The following GLIS3 variants were observed in gnomAD, a reference collection of about 807,000 sequenced individuals.
GLIS3 encodes zinc finger protein GLIS3.
In GLIS3, 53 loss-of-function variants were observed where a neutral mutation model predicts 78.6. The ratio of observed to expected loss-of-function variants is 0.67; its 90% CI spans 0.54 to 0.85. The LOEUF (loss-of-function observed/expected upper bound fraction) is 0.85, where lower values mean the gene tolerates loss of function less well. GLIS3 is among the 40% of genes least tolerant of loss of function. The pLI, the probability that GLIS3 is intolerant of heterozygous loss-of-function variation, is 0.00. For synonymous variants in GLIS3, 684 were observed against 509.9 expected, an observed-to-expected ratio of 1.34 and a Z score of -4.60; for missense variants, 1,703 against 1,231.1, an observed-to-expected ratio of 1.38 and a Z score of -5.74.
intron 4 of GLIS3, among the ~76,000 whole-genome samples, chr9:4,024,518 T>C (rs181782918): frequency 2.0e-5 from 3 of 152,316 alleles, no homozygotes; most frequent in Admixed American, 6.5e-5. Context: ...AGGGCAGAAC[T>C]AAATGAAGCC....
chr9:4,210,820 C>T (rs1480507313), intron 2 of GLIS3, among the ~76,000 whole-genome samples: 1 of 152,204 alleles, frequency 6.6e-6, no homozygotes, highest in East Asian at 1.9e-4. Context: ...ATGGGCCTGC[C>T]CACTTCTGGG....
intron 1 of GLIS3, 24 bp from the exon 2 acceptor site, chr9:4,286,547 C>CATTTT (rs1227716707): frequency 8.3e-7 from 1 of 1,204,616 alleles, no homozygotes; most frequent in African/African-American, 1.5e-5. Context: ...TAAACGCAGG[C>CATTTT]ATTTTTAAAA....
the GLIS3 span, among the ~76,000 whole-genome samples, chr9:4,488,805 A>T: frequency 1.3e-5 from 2 of 152,122 alleles, no homozygotes; most frequent in Non-Finnish European, 2.9e-5. Flanking sequence ...GGTGTGAGCC[A>T]TCGCGCCCGG....
At chr9:4,066,898 C>T (rs1279531294) in intron 4 of GLIS3, among the ~76,000 whole-genome samples, 1 of 152,088 alleles carries the variant, frequency 6.6e-6, no homozygotes, top group East Asian at 1.9e-4. Context: ...GGCATCTTTC[C>T]GTGGATCAGC....
chr9:3,828,414 A>G lies in GLIS3; in HGVS notation c.2657-6T>C. On this transcript the variant is annotated splice_polypyrimidine_tract_variant and splice_region_variant and intron_variant, in intron 10 of 10. Transcript: ENST00000381971. The stretch of plus-strand genomic sequence containing the variant: ...ACTTGAAGGTAAATCATACACTGGA[A>G]GAGAAAGAACGCAGTTAAGTCAGTA... 1 of 1,612,852 alleles carries G rather than the reference A, an allele frequency of 6.2e-7. No homozygotes were observed. Among genetic ancestry groups the G allele is most frequent in the Non-Finnish European group, 8.5e-7 (1 of 1,179,994 alleles).
intron 2 of GLIS3, among the ~76,000 whole-genome samples, chr9:4,280,164 C>T (rs1009275370): frequency 2.0e-5 from 3 of 152,146 alleles, no homozygotes; most frequent in African/African-American, 7.2e-5. Context: ...CGTCAACAGG[C>T]ACATGCCAAC....
intron 4 of GLIS3, among the ~76,000 whole-genome samples, chr9:4,078,851 T>C (rs2185405): frequency 0.43 from 65,101 of 151,966 alleles, 14,217 homozygotes; most frequent in East Asian, 0.6. Context: ...AGAGAGGGCA[T>C]TGGATCATCA....
At chr9:4,245,660 A>G (rs1823741645) in intron 2 of GLIS3, among the ~76,000 whole-genome samples, 1 of 152,198 alleles carries the variant, frequency 6.6e-6, no homozygotes, top group African/African-American at 2.4e-5. Context: ...TGTTTTGAAA[A>G]CTGATATAAT....
intron 1 of GLIS3, among the ~76,000 whole-genome samples, chr9:4,290,122 C>A (rs1433641732): frequency 6.6e-6 from 1 of 152,102 alleles, no homozygotes; most frequent in Non-Finnish European, 1.5e-5. Context: ...CAGCTAAAGG[C>A]CCTTTCTTAG....
chr9:4,057,573 T>C (rs10491898), intron 4 of GLIS3, among the ~76,000 whole-genome samples: 8,202 of 151,896 alleles, frequency 0.054, 560 homozygotes, highest in East Asian at 0.23. Flanking sequence ...TATTTGTCCT[T>C]GAAAAAAAAG....
At chr9:4,259,252 T>TC (rs1825279949) in intron 2 of GLIS3, among the ~76,000 whole-genome samples, 1 of 150,786 alleles carries the variant, frequency 6.6e-6, no homozygotes, top group African/African-American at 2.4e-5. Flanking sequence ...TTCATTTATT[T>TC]ATTTATTTAT....
intron 6 of GLIS3, among the ~76,000 whole-genome samples, chr9:3,913,171 A>G (rs1379760474): frequency 6.6e-6 from 1 of 152,120 alleles, no homozygotes; most frequent in African/African-American, 2.4e-5. Context: ...AGTGGATCTC[A>G]TTTTCTTCTG....
intron 4 of GLIS3, among the ~76,000 whole-genome samples, chr9:3,956,293 G>A (rs1817108265): frequency 6.6e-6 from 1 of 152,094 alleles, no homozygotes; most frequent in Non-Finnish European, 1.5e-5. Context: ...AATAAGCTAG[G>A]GGAACAAAAG....
intron 2 of GLIS3, among the ~76,000 whole-genome samples, chr9:4,132,121 T>C (rs1388102254): frequency 6.6e-6 from 1 of 151,944 alleles, no homozygotes; most frequent in Non-Finnish European, 1.5e-5. Context: ...ACCATACAAC[T>C]TTTCTGACTA....
At chr9:3,876,046 C>G (rs1821286670) in intron 8 of GLIS3, among the ~76,000 whole-genome samples, 1 of 152,154 alleles carries the variant, frequency 6.6e-6, no homozygotes, top group South Asian at 2.1e-4. Context: ...GGCACTTTAT[C>G]TACTTAGTTT....
chr9:4,038,247 T>A (rs1442737148), intron 4 of GLIS3, among the ~76,000 whole-genome samples: 2 of 151,946 alleles, frequency 1.3e-5, no homozygotes, highest in Non-Finnish European at 2.9e-5. Context: ...AAAAATATTA[T>A]CCCATGATTA....
intron 2 of GLIS3, among the ~76,000 whole-genome samples, chr9:4,339,131 A>G (rs893542947): frequency 1.3e-5 from 2 of 152,220 alleles, no homozygotes; most frequent in South Asian, 2.1e-4. Flanking sequence ...TCAACACCTC[A>G]GTCATGATTT....
intron 4 of GLIS3, among the ~76,000 whole-genome samples, chr9:4,053,512 TA>T (rs1825889820): frequency 6.6e-6 from 1 of 151,980 alleles, no homozygotes; most frequent in African/African-American, 2.4e-5. Context: ...TTTCTAGACT[TA>T]AACTCCACGA....
intron 6 of GLIS3, among the ~76,000 whole-genome samples, chr9:3,900,349 A>T (rs962549196): frequency 6.6e-6 from 1 of 152,164 alleles, no homozygotes; most frequent in African/African-American, 2.4e-5. Flanking sequence ...TTGTTCAACA[A>T]TGTTCATAGG....
Sources: gnomAD v4.1 joint callset for allele counts (sites outside exome capture counted in the v4.1 genomes callset) on GRCh38, gnomAD v4.1.1 for gene constraint, MANE v1.5 for transcripts, NCBI Gene and HGNC (gene_info 2026-07-23, HGNC 2026-07-21) for gene names.